CWC27: variants seen among roughly 807,000 people sequenced by gnomAD.
CWC27 encodes spliceosome-associated protein CWC27 homolog.
A neutral mutation model predicts 63.6 loss-of-function variants in CWC27; 47 were observed. The ratio of observed to expected loss-of-function variants is 0.74; its 90% CI spans 0.58 to 0.94. CWC27 has a LOEUF of 0.94. Among genes scored for constraint, CWC27 ranks in the 40% least tolerant of loss-of-function variants. The probability of loss-of-function intolerance (pLI) is 0.00; values close to 1 mark genes in which losing one functional copy is unlikely to be tolerated. For synonymous variants in CWC27, 175 were observed against 179.8 expected (o/e 0.97, Z 0.22); for missense variants, 495 against 554.3 (o/e 0.89, Z 1.07).
chr5:64,831,457 A>G (rs945824110), intron 10 of CWC27, among the ~76,000 whole-genome samples: 2 of 150,002 alleles, frequency 1.3e-5, no homozygotes, highest in Non-Finnish European at 3.0e-5. Context: ...GAGGACTCCA[A>G]AAAGCTTTTA....
At chr5:64,833,640 T>C (rs1047842109) in intron 10 of CWC27, among the ~76,000 whole-genome samples, 1 of 151,762 alleles carries the variant, frequency 6.6e-6, no homozygotes, top group Non-Finnish European at 1.5e-5. Context: ...GCAACCTAGA[T>C]TTATTTGGAA....
chr5:64,942,438 TAAAAAAAAA>T (rs35936421), intron 11 of CWC27, among the ~76,000 whole-genome samples: 2 of 96,552 alleles, frequency 2.1e-5, no homozygotes, highest in African/African-American at 4.3e-5. Context: ...CCTATCTCTT[TAAAAAAAAA>T]AAAAAAAAAA....
In CWC27 at chr5:64,969,222, A is replaced by G. The variant is rs145432006; in HGVS notation, c.1043-2481A>G. ...TGACATGAGATAGCAGAATTCATCT[A>G]TATCTTTTCCATTTATTGCAAAATT... On this transcript the variant is annotated intron_variant, in intron 11 of 13. Coordinates refer to ENST00000381070, the MANE Select transcript of CWC27 (RefSeq NM_005869.4). Among the ~76,000 whole-genome samples the G allele has an allele frequency of 3.2e-4, 49 of 152,350 alleles. No individual in the cohort carries two copies. In the East Asian group the frequency reaches 8.1e-3, roughly 25 times the overall value.
At chr5:64,962,715 A>G (rs1373575780) in intron 11 of CWC27, among the ~76,000 whole-genome samples, 1 of 152,216 alleles carries the variant, frequency 6.6e-6, no homozygotes, top group East Asian at 1.9e-4. Context: ...GGACCAATGG[A>G]ACCCCTTGAT....
At chr5:64,960,793 T>A (rs928951797) in intron 11 of CWC27, among the ~76,000 whole-genome samples, 2 of 151,940 alleles carry the variant, frequency 1.3e-5, no homozygotes, top group Non-Finnish European at 2.9e-5. Context: ...ACTTCTTTTT[T>A]TTTAAGAGAT....
At position 64,844,019 on chromosome 5, in the gene CWC27, C is replaced by T. The variant is rs368551188; in HGVS notation, c.938+39633C>T. 3.9e-4 allele frequency among the ~76,000 whole-genome samples: 60 copies of T among 152,178 alleles called. 1 individual carries two copies. Among genetic ancestry groups the T allele is most frequent in the African/African-American group, 1.4e-3 (58 of 41,528 alleles). ...ACACTTGGAAACAAGCCTGAGATACCTGCATGATTTTCATAACTGAATAAA... is the reference window on the plus strand; with the variant it reads ...ACACTTGGAAACAAGCCTGAGATACTTGCATGATTTTCATAACTGAATAAA... On this transcript the variant is annotated intron_variant, in intron 10 of 13. Transcript: ENST00000381070.
chr5:64,911,863 A>G (rs1349701358), intron 11 of CWC27, among the ~76,000 whole-genome samples: 3 of 152,080 alleles, frequency 2.0e-5, no homozygotes, highest in Non-Finnish European at 4.4e-5. Context: ...TCACAAGGTC[A>G]GGAGATGGAG....
chr5:64,989,309 G>T (rs1221264760), intron 13 of CWC27, among the ~76,000 whole-genome samples: 4 of 152,124 alleles, frequency 2.6e-5, no homozygotes, highest in Non-Finnish European at 4.4e-5. Flanking sequence ...TCTCAAACTG[G>T]CTTATGCCAA....
intron 13 of CWC27, among the ~76,000 whole-genome samples, chr5:65,010,107 A>T (rs1014137222): frequency 6.6e-6 from 1 of 152,196 alleles, no homozygotes; most frequent in African/African-American, 2.4e-5. Context: ...GGTTTCATAG[A>T]AGGTGTTAAA....
chr5:64,847,005 A>AG (rs1418470716), intron 10 of CWC27, among the ~76,000 whole-genome samples: 111 of 151,688 alleles, frequency 7.3e-4, no homozygotes, highest in African/African-American at 2.7e-3. Flanking sequence ...AAAAAAAAAA[A>AG]AAAAAAGAAA....
chr5:64,894,239 T>C (rs1747314095), intron 11 of CWC27, among the ~76,000 whole-genome samples: 1 of 152,102 alleles, frequency 6.6e-6, no homozygotes, highest in South Asian at 2.1e-4. Flanking sequence ...CTCCATTTTA[T>C]ATATAAAGGA....
intron 11 of CWC27, among the ~76,000 whole-genome samples, chr5:64,948,181 G>T (rs572610498): frequency 6.6e-6 from 1 of 152,088 alleles, no homozygotes; most frequent in South Asian, 2.1e-4. Context: ...CAAATTGTAG[G>T]TAGTAATTCA....
chr5:64,799,973 T>C (rs2112204666), intron 7 of CWC27, among the ~76,000 whole-genome samples: 1 of 152,260 alleles, frequency 6.6e-6, no homozygotes, highest in South Asian at 2.1e-4. Flanking sequence ...TGCAAATTAT[T>C]ATGAGAATTT....
rs566186452 is a variant in CWC27, at chr5:64,920,511, G to A, written c.1042+34965G>A. 7.3e-4 allele frequency among the ~76,000 whole-genome samples: 111 copies of A among 152,142 alleles called. 2 individuals are homozygous for A. Among genetic ancestry groups the A allele is most frequent in the African/African-American group, 2.5e-3 (102 of 41,512 alleles). On this transcript the variant is annotated intron_variant, in intron 11 of 13. Coordinates refer to ENST00000381070, the MANE Select transcript of CWC27 (RefSeq NM_005869.4). ...TAGAATGAGTTAGGGAGGAATCCCC[G>A]TCCCTCAATTTTTGGAAAAGGTACT...
At position 65,007,765 on chromosome 5, in the gene CWC27, C is replaced by G. The variant is rs539058358; in HGVS notation, c.1257-10394C>G. Among the ~76,000 whole-genome samples the G allele has an allele frequency of 9.2e-5, 14 of 152,116 alleles. No individual in the cohort carries two copies. In the South Asian group the frequency reaches 2.3e-3, roughly 25 times the overall value. On this transcript the variant is annotated intron_variant, in intron 13 of 13. Coordinates refer to ENST00000381070, the MANE Select transcript of CWC27 (RefSeq NM_005869.4). ...GCCTCAGCCTCCCATGTAGCTGGGA[C>G]TACAGGCGCCAGCCACCATGCCCGG... is the stretch of plus-strand genomic sequence containing the variant.
At chr5:64,850,545 C>T (rs971226190) in intron 10 of CWC27, among the ~76,000 whole-genome samples, 5 of 151,918 alleles carry the variant, frequency 3.3e-5, no homozygotes, top group Non-Finnish European at 7.4e-5. Context: ...AGGTAACAAA[C>T]GCAAAAATAG....
intron 2 of CWC27, among the ~76,000 whole-genome samples, chr5:64,780,471 C>A (rs951252902): frequency 1.3e-5 from 2 of 148,606 alleles, no homozygotes; most frequent in African/African-American, 4.9e-5. Flanking sequence ...TATATAGAAA[C>A]AATATATATA....
At chr5:64,898,224 G>A (rs771286741) in intron 11 of CWC27, among the ~76,000 whole-genome samples, 6 of 152,092 alleles carry the variant, frequency 3.9e-5, no homozygotes, top group Non-Finnish European at 8.8e-5. Context: ...TTCCAAGTAT[G>A]TTAATGCAGC....
chr5:64,813,286 CTG>C (rs1744938953), intron 10 of CWC27, among the ~76,000 whole-genome samples: 1 of 152,118 alleles, frequency 6.6e-6, no homozygotes, highest in African/African-American at 2.4e-5. Flanking sequence ...CTGGACTAAA[CTG>C]TTTCTTGGGC....
Sources: allele counts gnomAD v4.1 joint callset (sites outside exome capture counted in the v4.1 genomes callset), GRCh38; gene constraint gnomAD v4.1.1; transcripts MANE v1.5; gene names NCBI Gene and HGNC (gene_info 2026-07-23, HGNC 2026-07-21).